The following TMEM44 variants were observed in gnomAD, a reference collection of about 807,000 sequenced individuals.
TMEM44 encodes transmembrane protein 44.
A neutral mutation model predicts 47.8 loss-of-function variants in TMEM44; 43 were observed. That is an observed-to-expected ratio of 0.90 (90% CI 0.70 to 1.16). The LOEUF (loss-of-function observed/expected upper bound fraction) is 1.16. Among genes scored for constraint, TMEM44 ranks in the 50% most tolerant of loss-of-function variants. The pLI is 0.00. For synonymous variants in TMEM44, 277 were observed against 238.8 expected, an observed-to-expected ratio of 1.16 and a Z score of -1.48; for missense variants, 568 against 555.2, an observed-to-expected ratio of 1.02 and a Z score of -0.23.
chr3:194,588,970 C>T (rs567153998), intron 9 of TMEM44: 1 of 272,576 alleles, frequency 3.7e-6, no homozygotes, highest in Admixed American at 5.0e-5. Context: ...CCATGCCTAA[C>T]TCATTCCTGG....
chr3:194,598,820 C>T (rs1713723945), intron 9 of TMEM44, among the ~76,000 whole-genome samples: 1 of 152,130 alleles, frequency 6.6e-6, no homozygotes, highest in Non-Finnish European at 1.5e-5. Flanking sequence ...GTTAAGGTGC[C>T]AAATCAGAAA....
chr3:194,616,832 T>C (rs909441079), intron 6 of TMEM44: 10 of 503,550 alleles, frequency 2.0e-5, no homozygotes, highest in Non-Finnish European at 3.3e-5. Flanking sequence ...GAGGTGAAGG[T>C]TGCAGTGAGC....
At chr3:194,595,561 A>C (rs572343241) in intron 9 of TMEM44, among the ~76,000 whole-genome samples, 3 of 151,462 alleles carry the variant, frequency 2.0e-5, no homozygotes, top group Non-Finnish European at 4.4e-5. Context: ...ATGGTGCTCG[A>C]CTTCGGATGG....
chr3:194,619,421 C>T (rs557376354), intron 5 of TMEM44, among the ~76,000 whole-genome samples: 110 of 152,358 alleles, frequency 7.2e-4, no homozygotes, highest in African/African-American at 2.5e-3. Context: ...GTCGGCAGCA[C>T]GCCCCAGCCT....
chr3:194,612,368 T>C (rs1422472566), intron 7 of TMEM44, among the ~76,000 whole-genome samples: 1 of 152,212 alleles, frequency 6.6e-6, no homozygotes, highest in Non-Finnish European at 1.5e-5. Context: ...TCTGGGCACC[T>C]ATATAAAAAA....
In TMEM44 at chr3:194,623,220, T is replaced by G; in HGVS notation, c.612+4A>C. On this transcript the variant is annotated splice_donor_region_variant and intron_variant, in intron 5 of 9. Transcript: ENST00000347147. ...CACAGTCCCATCCCCACCCCCGGCC[T>G]CACAATTCTGGAGAGAGGGGGGATC... 6.2e-7 allele frequency: 1 copy of G among 1,605,652 alleles called. No homozygotes were observed. Among genetic ancestry groups the G allele is most frequent in the South Asian group, 1.1e-5 (1 of 89,310 alleles).
At chr3:194,588,802 A>G (rs532674389) in intron 9 of TMEM44, among the ~76,000 whole-genome samples, 163 bp from the exon 10 acceptor site, 99 of 152,270 alleles carry the variant, frequency 6.5e-4, no homozygotes, top group African/African-American at 2.2e-3. Context: ...TGTTTCTGGG[A>G]CCTAAGGAGG....
At chr3:194,615,256 T>C (rs775990633) in intron 7 of TMEM44, among the ~76,000 whole-genome samples, 7 of 151,190 alleles carry the variant, frequency 4.6e-5, no homozygotes, top group Non-Finnish European at 1.0e-4. Flanking sequence ...AATCAATAGA[T>C]TAAAAAAAAA....
chr3:194,623,693 G>A lies in TMEM44; in HGVS notation c.361C>T (p.Arg121Trp), dbSNP rs749891043. 2.5e-5 allele frequency: 40 copies of A among 1,613,772 alleles called. No homozygotes were observed. The highest frequency in any genetic ancestry group is 2.0e-4 in the African/African-American group (15 of 74,928). Reference protein sequence around the residue: ...CGSKFKSNSDREARERKRRRQ... With the variant: ...CGSKFKSNSDWEARERKRRRQ... ...CTCCTCTTCCTCTCTCGGGCTTCCC[G>A]ATCTGCAACAGACACCAAAATCCCA... The change falls in exon 4 of 10, where the codon CGG becomes TGG. Residue 121 changes from arginine to tryptophan, a missense_variant and splice_region_variant. By Grantham distance (101) the Arg-to-Trp change is moderately radical (BLOSUM62 -3). Transcript: ENST00000347147.
At chr3:194,625,275 C>T (rs1245639746) in intron 3 of TMEM44, among the ~76,000 whole-genome samples, 1 of 152,194 alleles carries the variant, frequency 6.6e-6, no homozygotes, top group African/African-American at 2.4e-5. Flanking sequence ...AGCCTTTGCC[C>T]ATGCTGCTCT....
intron 8 of TMEM44, among the ~76,000 whole-genome samples, chr3:194,605,399 G>A (rs1335271480): frequency 6.6e-6 from 1 of 152,210 alleles, no homozygotes; most frequent in Non-Finnish European, 1.5e-5. Context: ...TTTTCATGCT[G>A]CTGACAAAGA....
chr3:194,610,063 G>C (rs1010943159), intron 8 of TMEM44, among the ~76,000 whole-genome samples: 1 of 151,894 alleles, frequency 6.6e-6, no homozygotes, highest in African/African-American at 2.4e-5. Flanking sequence ...CCCGTCTCTA[G>C]TAAAAATACA....
At chr3:194,605,442 A>AT (rs2109173509) in intron 8 of TMEM44, among the ~76,000 whole-genome samples, 1 of 152,380 alleles carries the variant, frequency 6.6e-6, no homozygotes, top group East Asian at 1.9e-4. Context: ...AAGAGGTTTA[A>AT]TGGACTTACA....
intron 9 of TMEM44, among the ~76,000 whole-genome samples, chr3:194,595,257 ACCT>A (rs1713261181): frequency 6.6e-6 from 1 of 152,072 alleles, no homozygotes; most frequent in South Asian, 2.1e-4. Context: ...TGATTCTATC[ACCT>A]CCTCAAACCA....
intron 9 of TMEM44, 82 bp downstream of exon 9, chr3:194,604,205 T>C: frequency 6.6e-7 from 1 of 1,504,712 alleles, no homozygotes; most frequent in Non-Finnish European, 9.0e-7. Flanking sequence ...TGAGAACAGC[T>C]GCACAAGCCC....
At chr3:194,594,165 A>ATCTATATC (rs766929721) in intron 9 of TMEM44, among the ~76,000 whole-genome samples, 63 of 76,542 alleles carry the variant, frequency 8.2e-4, no homozygotes, top group African/African-American at 2.0e-3. Context: ...CTATCTATCT[A>ATCTATATC]TATCTATCTA....
intron 1 of TMEM44, among the ~76,000 whole-genome samples, chr3:194,630,824 G>A (rs1249431163): frequency 1.4e-5 from 2 of 145,988 alleles, no homozygotes; most frequent in Non-Finnish European, 1.5e-5. Context: ...TGTTTCCGTC[G>A]GCATCACTGA....
At chr3:194,627,080 C>A (rs1392152935) in intron 2 of TMEM44, among the ~76,000 whole-genome samples, 1 of 152,128 alleles carries the variant, frequency 6.6e-6, no homozygotes, top group African/African-American at 2.4e-5. Flanking sequence ...CGCCACCACG[C>A]CCAGCTAGTT....
chr3:194,624,785 C>G (rs1277334245), intron 3 of TMEM44, among the ~76,000 whole-genome samples: 1 of 151,470 alleles, frequency 6.6e-6, no homozygotes, highest in Non-Finnish European at 1.5e-5. Context: ...TGCAGTTGTG[C>G]GATCTGCAAC....
Sources: allele counts gnomAD v4.1 joint callset (sites outside exome capture counted in the v4.1 genomes callset), GRCh38; gene constraint gnomAD v4.1.1; transcripts MANE v1.5; gene names NCBI Gene and HGNC (gene_info 2026-07-23, HGNC 2026-07-21).